NUP210: variants seen among roughly 807,000 people sequenced by gnomAD.
The protein encoded by NUP210 is nucleoporin 210.
Under a neutral mutation model 196.0 loss-of-function variants are expected in NUP210, and 151 were observed. The ratio of observed to expected loss-of-function variants is 0.77; its 90% CI spans 0.67 to 0.88. The LOEUF (loss-of-function observed/expected upper bound fraction) is 0.88. Ranked by LOEUF, NUP210 falls within the 40% of genes least tolerant of loss-of-function variation. NUP210 has a pLI of 0.00. For missense variants in NUP210, 2,314 were observed against 2,493.7 expected (o/e 0.93, Z 1.53); for synonymous variants, 1,070 against 1,052.7 (o/e 1.02, Z -0.32).
chr3:13,375,815 G>A (rs1056438699), intron 10 of NUP210, among the ~76,000 whole-genome samples, 174 bp from the exon 11 acceptor site: 3 of 152,216 alleles, frequency 2.0e-5, no homozygotes, highest in African/African-American at 7.2e-5. Flanking sequence ...CACGGGGATG[G>A]CTTTGTGAAG....
chr3:13,324,862 G>A (rs1004374267), intron 33 of NUP210, among the ~76,000 whole-genome samples: 2 of 152,238 alleles, frequency 1.3e-5, no homozygotes, highest in Non-Finnish European at 2.9e-5. Flanking sequence ...CACTGGCTAT[G>A]AGCTGAGCAC....
chr3:13,401,892 TAA>T (rs202054040), intron 1 of NUP210, among the ~76,000 whole-genome samples: 3 of 146,284 alleles, frequency 2.1e-5, no homozygotes, highest in Non-Finnish European at 4.5e-5. Flanking sequence ...AAAACTGCTT[TAA>T]AAAAAAAAAA....
intron 28 of NUP210, among the ~76,000 whole-genome samples, chr3:13,333,400 G>A (rs1697079639): frequency 6.6e-6 from 1 of 152,334 alleles, no homozygotes; most frequent in South Asian, 2.1e-4. Context: ...GATCAGACCA[G>A]GTGGACACCC....
chr3:13,409,235 T>C (rs917481270), intron 1 of NUP210, among the ~76,000 whole-genome samples: 7 of 152,242 alleles, frequency 4.6e-5, no homozygotes, highest in African/African-American at 9.6e-5. Context: ...TGAATGTCTG[T>C]GTCCTCCTGA....
At chr3:13,406,697 G>A (rs1576425822) in intron 1 of NUP210, among the ~76,000 whole-genome samples, 1 of 152,180 alleles carries the variant, frequency 6.6e-6, no homozygotes, top group Non-Finnish European at 1.5e-5. Context: ...GCCCTCCCCT[G>A]CCCATCCAGT....
rs749750618 is a variant in NUP210, at chr3:13,420,142, T to A, written c.85A>T (p.Asn29Tyr). ...AGPSAAAAKLNIPKVLLPFTR... is the reference protein window; with the variant it reads ...AGPSAAAAKLYIPKVLLPFTR... ...AAGGGCAGCAGCACTTTGGGGATGT[T>A]GAGCTTGGCCGCAGCGGCGGAGGGG... Residue 29 changes from asparagine (N) to tyrosine (Y), a missense_variant, in exon 1 of 40, where the codon AAC becomes TAC. By Grantham distance (143) the Asn-to-Tyr change is moderately radical. Coordinates refer to ENST00000254508, the MANE Select transcript of NUP210 (RefSeq NM_024923.4). The surrounding 1 kb of genome is among the most constrained non-coding windows in gnomAD (Gnocchi z 4.8). 1 of 1,328,208 alleles carries A rather than the reference T, an allele frequency of 7.5e-7. No homozygotes were observed. Among genetic ancestry groups the A allele is most frequent in the Non-Finnish European group, 9.8e-7 (1 of 1,019,516 alleles). The allele number at this position is 1,328,208 out of a possible 1,614,324, so 82.3% of individuals were successfully genotyped here.
At position 13,330,826 on chromosome 3, in the gene NUP210, G is replaced by A. The variant is rs187821402; in HGVS notation, c.3936-192C>T. Among the ~76,000 whole-genome samples the A allele has an allele frequency of 2.5e-4, 38 of 152,310 alleles. 1 individual carries two copies. The highest frequency in any genetic ancestry group is 3.4e-3 in the Middle Eastern group (1 of 294). ...GGCTTCATCAGTCACCCACGGAAAA[G>A]TAATTCAGAAATCCAATGGTTCCGA... On this transcript the variant is annotated intron_variant, in intron 29 of 39. Transcript: ENST00000254508.
Position 13,327,338 on chromosome 3 carries a change from C to T in NUP210, c.4386G>A (p.Glu1462=). The T allele has an allele frequency of 1.9e-6, 3 of 1,613,418 alleles. No individual in the cohort carries two copies. Among genetic ancestry groups the T allele is most frequent in the Non-Finnish European group, 2.5e-6 (3 of 1,180,026 alleles). ...GLTLLRVWDA[E]HPGLSDFMPL... is the part of the protein sequence containing the mutation. ...GCATGAAGTCCGAGAGGCCCGGGTG[C>T]TCTGCGTCCCACACACGGAGCAGTG... Residue 1462 remains glutamate, a synonymous_variant, in exon 32 of 40, where the codon GAG becomes GAA. Coordinates refer to ENST00000254508, the MANE Select transcript of NUP210 (RefSeq NM_024923.4).
At position 13,327,384 on chromosome 3, in the gene NUP210, C is replaced by A; in HGVS notation, c.4340G>T (p.Arg1447Leu). Residue 1447 changes from arginine (R) to leucine (L), a missense_variant, in exon 32 of 40, where the codon CGC (arginine) becomes CTC (leucine). Transcript: ENST00000254508. ...CAGTGTCAGGCCCACGCTGACTGTGCGGACAACGCAGGTGTTGTTGGTGGG... is the reference window on the plus strand; with the variant it reads ...CAGTGTCAGGCCCACGCTGACTGTGAGGACAACGCAGGTGTTGTTGGTGGG... ...KGPTNNTCVV[R>L]TVSVGLTLLR... is the part of the protein sequence containing the mutation. The A allele has an allele frequency of 6.2e-7, 1 of 1,613,356 alleles. No individual in the cohort carries two copies. The highest frequency in any genetic ancestry group is 8.5e-7 in the Non-Finnish European group (1 of 1,179,932).
intron 6 of NUP210, among the ~76,000 whole-genome samples, chr3:13,384,170 T>A (rs1475777390): frequency 6.7e-6 from 1 of 148,556 alleles, no homozygotes. Context: ...ACCATGTTGG[T>A]CAGGCTGGTC....
intron 1 of NUP210, among the ~76,000 whole-genome samples, chr3:13,407,872 G>T (rs549678224): frequency 9.1e-4 from 139 of 152,264 alleles, no homozygotes; most frequent in Non-Finnish European, 1.8e-3. Context: ...ACTAAGTACA[G>T]ACTACACATT....
rs144264701 is a variant in NUP210, at chr3:13,364,286, G to C, written c.1932+1660C>G. 2.5e-3 allele frequency among the ~76,000 whole-genome samples: 383 copies of C among 152,312 alleles called. 4 individuals carry two copies. The highest frequency in any genetic ancestry group is 6.5e-3 in the African/African-American group (271 of 41,568). On this transcript the variant is annotated intron_variant, in intron 14 of 39. Transcript: ENST00000254508. ...CAGAAGGGATTGCACAAGTAGGTAG[G>C]TATTCATGCCTGTGTGCTAAAGGAA...
At chr3:13,339,139 A>T (rs2124857036) in intron 25 of NUP210, among the ~76,000 whole-genome samples, 1 of 152,330 alleles carries the variant, frequency 6.6e-6, no homozygotes, top group African/African-American at 2.4e-5. Flanking sequence ...GAAAAGGAGT[A>T]AATCAATGAA....
intron 1 of NUP210, among the ~76,000 whole-genome samples, chr3:13,402,817 T>C (rs896049335): frequency 6.6e-6 from 1 of 152,246 alleles, no homozygotes; most frequent in African/African-American, 2.4e-5. Flanking sequence ...ATACATGCCC[T>C]GCCCCATGCA....
At chr3:13,401,479 C>T (rs1387293527) in intron 1 of NUP210, among the ~76,000 whole-genome samples, 1 of 150,206 alleles carries the variant, frequency 6.7e-6, no homozygotes, top group Admixed American at 6.6e-5. Flanking sequence ...GAGCTGCATC[C>T]ATCAGTGAAG....
intron 3 of NUP210, among the ~76,000 whole-genome samples, chr3:13,392,648 C>T (rs1699527496): frequency 6.6e-6 from 1 of 152,194 alleles, no homozygotes; most frequent in African/African-American, 2.4e-5. Context: ...TTCCCGCATA[C>T]CCCAGGGATG....
rs1163107384 is a variant in NUP210, at chr3:13,350,390, C to T, written c.2835+1489G>A. ...GGGGAATCAGTACCCAGAGTTTCTA[C>T]AATACATTACCTAAAATGTCCAGTT... On this transcript the variant is annotated intron_variant, in intron 20 of 39. Transcript: ENST00000254508. This position sits in a 1 kb window ranked among gnomAD's most constrained non-coding sequence, Gnocchi z 4.1. Among the ~76,000 whole-genome samples, 1 of 151,998 alleles carries T rather than the reference C, an allele frequency of 6.6e-6. No homozygotes were observed.
At chr3:13,418,983 A>T (rs1341123603) in intron 1 of NUP210, among the ~76,000 whole-genome samples, 2 of 150,344 alleles carry the variant, frequency 1.3e-5, no homozygotes, top group Non-Finnish European at 3.0e-5. Context: ...AGAAAGAAAG[A>T]AATAGGGCAA....
chr3:13,335,570 C>T lies in NUP210; in HGVS notation c.3727G>A (p.Val1243Met), dbSNP rs1327401524. ...GTCCGGCCTTTTACCCGGCCGAGCA[C>T]GTTCATGGCAAAGTTGTACTGTGAC... ...LPSQYNFAMN[V>M]LGRVKGRTGL... The change falls in exon 28 of 40, where the codon GTG becomes ATG. Residue 1243 changes from valine to methionine, a missense_variant. Val to Met is a conservative substitution (Grantham distance 21). Coordinates refer to ENST00000254508, the MANE Select transcript of NUP210 (RefSeq NM_024923.4). 23 of 1,613,990 alleles carry T rather than the reference C, an allele frequency of 1.4e-5. No individual in the cohort carries two copies. The highest frequency in any genetic ancestry group is 1.8e-5 in the Non-Finnish European group (21 of 1,180,048).
Sources: allele counts gnomAD v4.1 joint callset (sites outside exome capture counted in the v4.1 genomes callset), GRCh38; gene constraint gnomAD v4.1.1; non-coding constraint Gnocchi (gnomAD v3.1); transcripts MANE v1.5; gene names NCBI Gene and HGNC (gene_info 2026-07-23, HGNC 2026-07-21).